Variants in BTG4 observed in about 807,000 individuals in gnomAD.
BTG4 encodes the protein protein BTG4.
A neutral mutation model predicts 19.3 loss-of-function variants in BTG4; 10 were observed. The observed-to-expected ratio is 0.52, with a 90% CI of 0.32 to 0.88. BTG4 has a LOEUF of 0.88. Among genes scored for constraint, BTG4 ranks in the 40% least tolerant of loss-of-function variants. The probability of loss-of-function intolerance (pLI) is 0.04; values close to 1 mark genes in which losing one functional copy is unlikely to be tolerated. For synonymous variants in BTG4, 91 were observed against 95.7 expected, an observed-to-expected ratio of 0.95 and a Z score of 0.29; for missense variants, 238 against 281.9, an observed-to-expected ratio of 0.84 and a Z score of 1.11.
At chr11:111,447,987 G>A in the BTG4 span, among the ~76,000 whole-genome samples, 4 of 152,116 alleles carry the variant, frequency 2.6e-5, no homozygotes, top group Non-Finnish European at 5.9e-5. Flanking sequence ...CCTCCCCAGC[G>A]GTCTTTCTCA....
At chr11:111,404,100 G>C in the BTG4 span, among the ~76,000 whole-genome samples, 93 of 152,020 alleles carry the variant, frequency 6.1e-4, no homozygotes, top group African/African-American at 2.2e-3. Flanking sequence ...GTTCTCATGA[G>C]AGTGAATAAG....
the BTG4 span, among the ~76,000 whole-genome samples, chr11:111,443,476 C>T: frequency 2.8e-4 from 43 of 152,140 alleles, no homozygotes; most frequent in Non-Finnish European, 3.4e-4. Flanking sequence ...TATATGAGAA[C>T]ACTGTACTAT....
At chr11:111,419,340 GCTGA>G in the BTG4 span, among the ~76,000 whole-genome samples, 2 of 152,200 alleles carry the variant, frequency 1.3e-5, no homozygotes, top group Non-Finnish European at 2.9e-5. Context: ...TTCCTTCTTG[GCTGA>G]CTGACAACCC....
Position 111,471,021 on chromosome 11 carries a change from T to C in BTG4, c.663-3340A>G, listed in dbSNP as rs191664557. ...AAATTTAAGTCTATGATAAGAAAAA[T>C]ATCATCCTGCACTAAAGGTTAATTC... On this transcript the variant is annotated intron_variant, in intron 5 of 5. Transcript: ENST00000356018. 5.9e-5 allele frequency among the ~76,000 whole-genome samples: 9 copies of C among 152,230 alleles called. No homozygotes were observed. The East Asian group carries it at 1.7e-3, about 29-fold the overall frequency.
At chr11:111,431,988 A>G in the BTG4 span, among the ~76,000 whole-genome samples, 3 of 151,376 alleles carry the variant, frequency 2.0e-5, no homozygotes, top group African/African-American at 7.4e-5. Context: ...AGCCAAAGAG[A>G]CTGTCAGGAA....
the BTG4 span, among the ~76,000 whole-genome samples, chr11:111,406,419 C>A: frequency 1.3e-5 from 2 of 152,260 alleles, no homozygotes; most frequent in Admixed American, 1.3e-4. Flanking sequence ...TCTTTGCTGG[C>A]TGACCACCAC....
the BTG4 span, among the ~76,000 whole-genome samples, chr11:111,447,842 G>T: frequency 6.6e-6 from 1 of 152,136 alleles, no homozygotes; most frequent in Non-Finnish European, 1.5e-5. Context: ...GCCCTTCCTG[G>T]GCATTTCTCT....
chr11:111,502,779 A>C (rs1866183456), intron 1 of BTG4, among the ~76,000 whole-genome samples: 1 of 152,190 alleles, frequency 6.6e-6, no homozygotes, highest in Non-Finnish European at 1.5e-5. Context: ...TACATTAATG[A>C]GGTTTTGAAC....
chr11:111,505,142 A>C (rs999825163), intron 1 of BTG4, among the ~76,000 whole-genome samples: 5 of 152,088 alleles, frequency 3.3e-5, no homozygotes, highest in Non-Finnish European at 7.4e-5. Context: ...GGAACCAAAA[A>C]AAGCCCAAAT....
chr11:111,444,905 C>T, the BTG4 span, among the ~76,000 whole-genome samples: 2 of 152,102 alleles, frequency 1.3e-5, no homozygotes, highest in African/African-American at 4.8e-5. Flanking sequence ...AGTGGTCAGG[C>T]TCTCTCCAAG....
Position 111,498,594 on chromosome 11 carries a change from T to C in BTG4, c.173+10A>G, listed in dbSNP as rs1271136338. 1.9e-6 allele frequency: 3 copies of C among 1,607,546 alleles called. No homozygotes were observed. The highest frequency in any genetic ancestry group is 2.7e-5 in the African/African-American group (2 of 74,552). ...TGCTTCCCTTTGCCATCCCACATAC[T>C]AGCTCTCACCTGAAGGCTTGCCCTT... On this transcript the variant is annotated intron_variant, in intron 2 of 4. Coordinates refer to ENST00000692032, the MANE Select transcript of BTG4 (RefSeq NM_001367975.1).
chr11:111,456,450 C>T, the BTG4 span: 2 of 450,444 alleles, frequency 4.4e-6, no homozygotes, highest in Admixed American at 2.4e-5. The surrounding 1 kb of genome is among the most constrained non-coding windows in gnomAD (Gnocchi z 4.2). Context: ...AGGGAGTCCC[C>T]GCATGTTCCC....
intron 5 of BTG4, among the ~76,000 whole-genome samples, chr11:111,489,038 G>A (rs540239141): frequency 1.9e-4 from 7 of 37,292 alleles, no homozygotes; most frequent in Non-Finnish European, 3.3e-4. Context: ...CCAGCTACTC[G>A]GGAGGCTGAA....
At chr11:111,442,942 T>C in the BTG4 span, among the ~76,000 whole-genome samples, 1 of 152,188 alleles carries the variant, frequency 6.6e-6, no homozygotes, top group Non-Finnish European at 1.5e-5. Context: ...GGGCTGTACA[T>C]AGTGATTTTC....
chr11:111,435,987 C>T, the BTG4 span, among the ~76,000 whole-genome samples: 13 of 152,316 alleles, frequency 8.5e-5, no homozygotes, highest in South Asian at 2.1e-4. Flanking sequence ...AAGCCAGAAG[C>T]AAATACCCAG....
the BTG4 span, among the ~76,000 whole-genome samples, chr11:111,453,018 A>T: frequency 6.6e-6 from 1 of 152,154 alleles, no homozygotes; most frequent in Non-Finnish European, 1.5e-5. Flanking sequence ...AACAACACAC[A>T]TCTCCTCTGG....
At chr11:111,383,950 T>A in the BTG4 span, among the ~76,000 whole-genome samples, 104 of 152,338 alleles carry the variant, frequency 6.8e-4, no homozygotes, top group African/African-American at 2.5e-3. Context: ...TATTCTTAAA[T>A]AAGCTAATTC....
the BTG4 span, among the ~76,000 whole-genome samples, chr11:111,409,864 T>C: frequency 7.8e-3 from 1,190 of 152,340 alleles, 35 homozygotes; most frequent in East Asian, 0.093. Flanking sequence ...GTTATCTCAT[T>C]TGATTAACTC....
At chr11:111,513,389 C>T (rs776071086), upstream of BTG4, 5 of 533,770 alleles carry the variant, frequency 9.4e-6, no homozygotes, top group South Asian at 7.0e-5. Context: ...GAATTGCCTG[C>T]CTGTCACAAC....
Sources: gnomAD v4.1 joint callset for allele counts (sites outside exome capture counted in the v4.1 genomes callset) on GRCh38, gnomAD v4.1.1 for gene constraint, Gnocchi (gnomAD v3.1) non-coding constraint, MANE v1.5 for transcripts, NCBI Gene and HGNC (gene_info 2026-07-23, HGNC 2026-07-21) for gene names.